The following HHEX variants were observed in gnomAD, a reference collection of about 807,000 sequenced individuals.
HHEX encodes hematopoietically-expressed homeobox protein HHEX.
A neutral mutation model predicts 27.0 loss-of-function variants in HHEX; 8 were observed. The observed-to-expected ratio is 0.30, with a 90% CI of 0.17 to 0.54. The LOEUF is 0.54. HHEX is among the 20% of genes least tolerant of loss of function. HHEX has a pLI of 0.95. For missense variants in HHEX, 326 were observed against 357.2 expected (o/e 0.91, Z 0.70); for synonymous variants, 164 against 161.5 (o/e 1.02, Z -0.12).
intron 1 of HHEX, chr10:92,692,139 C>T (rs979427789): frequency 3.1e-5 from 14 of 458,678 alleles, no homozygotes; most frequent in African/African-American, 7.9e-5. Context: ...GGCTGTGTGT[C>T]TGTCTGTGTG....
rs1282834027 is a variant in HHEX at position 92,695,596 on chromosome 10, A to T, written c.*828A>T. The T allele has an allele frequency of 6.6e-6, 1 of 152,090 alleles. No individual in the cohort carries two copies. Among genetic ancestry groups the T allele is most frequent in the Non-Finnish European group, 1.5e-5 (1 of 67,994 alleles). The allele number at this position is 152,090 out of a possible 1,614,324, so 9.4% of individuals were successfully genotyped here. On this transcript the variant is annotated 3_prime_UTR_variant, in exon 4 of 4. Transcript: ENST00000282728. The stretch of plus-strand genomic sequence containing the variant: ...ATGGCCAAAATGTGTTTTTTTTTTA[A>T]TAAGTAACTTGACTATAAAATAAAG...
chr10:92,692,931 TAA>T (rs1845372047), intron 3 of HHEX, among the ~76,000 whole-genome samples, 179 bp downstream of exon 3: 1 of 152,248 alleles, frequency 6.6e-6, no homozygotes, highest in African/African-American at 2.4e-5. Flanking sequence ...GCAGTAATGC[TAA>T]AAGCACCTAA....
At chr10:92,690,558 C>T (rs1206356092) in intron 1 of HHEX, among the ~76,000 whole-genome samples, 1 of 152,016 alleles carries the variant, frequency 6.6e-6, no homozygotes, top group Admixed American at 6.6e-5. Context: ...TTGCAGGCGT[C>T]GGGGCGCGCG....
Position 92,694,881 on chromosome 10 carries a change from G to A in HHEX, c.*113G>A. ...TATAAGAAAGGGAATCAATTCTCTG[G>A]TATTCTGGAAACCTAAAAATATTTG... is the stretch of plus-strand genomic sequence containing the variant. On this transcript the variant is annotated 3_prime_UTR_variant, in exon 4 of 4. Transcript: ENST00000282728. 1 of 782,646 alleles carries A rather than the reference G, an allele frequency of 1.3e-6. No homozygotes were observed. Among genetic ancestry groups the A allele is most frequent in the East Asian group, 2.7e-5 (1 of 37,684 alleles). 48.5% of individuals were successfully genotyped at this position (782,646 alleles called of 1,614,324 possible).
intron 1 of HHEX, 73 bp from the exon 2 acceptor site, chr10:92,692,295 G>C: frequency 6.6e-7 from 1 of 1,510,020 alleles, no homozygotes; most frequent in Admixed American, 2.0e-5. Context: ...TGTCATCCCT[G>C]GGGCCCGACA....
chr10:92,692,851 T>TA (rs1845371560), intron 3 of HHEX, 99 bp downstream of exon 3: 1 of 966,308 alleles, frequency 1.0e-6, no homozygotes, highest in Non-Finnish European at 1.6e-6. Context: ...TTTAAGAGAC[T>TA]ATTTAACCTC....
rs868255183 is a variant in HHEX at position 92,690,183 on chromosome 10, G to C, written c.197G>C (p.Arg66Pro). The change falls in exon 1 of 4, where the codon CGG (arginine) becomes CCG (proline). Residue 66 changes from arginine to proline, a missense_variant. Physicochemically the swap from Arg to Pro is moderately radical, Grantham distance 103 (BLOSUM62 -2). Coordinates refer to ENST00000282728, the MANE Select transcript of HHEX (RefSeq NM_002729.5). ...SSFTSLVSPY[R>P]TPVYEPTPIH... ...TTCACCAGCCTCGTGTCCCCCTACC[G>C]GACCCCGGTGTACGAGCCCACGCCG... 1 of 1,566,826 alleles carries C rather than the reference G, an allele frequency of 6.4e-7. No individual in the cohort carries two copies. Among genetic ancestry groups the C allele is most frequent in the South Asian group, 1.2e-5 (1 of 85,354 alleles).
chr10:92,693,282 AATAT>A (rs1414600047), intron 3 of HHEX, among the ~76,000 whole-genome samples: 3 of 152,224 alleles, frequency 2.0e-5, no homozygotes, highest in Non-Finnish European at 2.9e-5. Context: ...CTTGTAAGAA[AATAT>A]TCAAGCCTGT....
intron 1 of HHEX, 124 bp downstream of exon 1, chr10:92,690,471 C>A (rs1845342488): frequency 8.3e-7 from 1 of 1,209,520 alleles, no homozygotes; most frequent in Non-Finnish European, 1.1e-6. Flanking sequence ...GGAAAAGCAG[C>A]TGTCGGGCAC....
rs1845390062 is a variant in HHEX, at chr10:92,694,993, AAAGT to A, written c.*226_*229del. The A allele has an allele frequency of 2.0e-6, 1 of 507,424 alleles. No individual in the cohort carries two copies. Among genetic ancestry groups the A allele is most frequent in the African/African-American group, 1.9e-5 (1 of 52,228 alleles). 31.4% of individuals were successfully genotyped at this position (507,424 alleles called of 1,614,324 possible). A position where few individuals can be genotyped will look rare whatever the true frequency, so the allele number is the denominator to read the frequency against. On this transcript the variant is annotated 3_prime_UTR_variant, in exon 4 of 4. Coordinates refer to ENST00000282728, the MANE Select transcript of HHEX (RefSeq NM_002729.5). ...TGTACTGCTCTTAGGTTGTTTTGAT[AAAGT>A]GACATTATAGTGATTAAATTCTTCC...
intron 1 of HHEX, among the ~76,000 whole-genome samples, chr10:92,691,181 C>T (rs1466552278): frequency 6.6e-6 from 1 of 152,194 alleles, no homozygotes. Context: ...GCAGCAGCTC[C>T]TGGTCGCCAG....
At chr10:92,693,766 G>C (rs1845378920) in intron 3 of HHEX, among the ~76,000 whole-genome samples, 1 of 152,114 alleles carries the variant, frequency 6.6e-6, no homozygotes, top group African/African-American at 2.4e-5. Context: ...TTTCTATGTA[G>C]TATTTATATG....
intron 1 of HHEX, 40 bp from the exon 2 acceptor site, chr10:92,692,328 C>T (rs985276044): frequency 2.5e-6 from 4 of 1,607,514 alleles, no homozygotes; most frequent in African/African-American, 2.7e-5. Flanking sequence ...GGCCAGGCCG[C>T]TCCAGGGCAG....
At chr10:92,690,768 C>T (rs1316567893) in intron 1 of HHEX, among the ~76,000 whole-genome samples, 2 of 152,172 alleles carry the variant, frequency 1.3e-5, no homozygotes, top group African/African-American at 2.4e-5. Context: ...AGAGCCTGAC[C>T]CTTTCCGTTC....
chr10:92,690,540 C>G (rs772808252), intron 1 of HHEX, among the ~76,000 whole-genome samples, 193 bp downstream of exon 1: 96 of 152,112 alleles, frequency 6.3e-4, no homozygotes, highest in Admixed American at 1.4e-3. Context: ...GATTGGTTTT[C>G]CTGCACCTTG....
rs1240715324 is a variant in HHEX, at chr10:92,692,416, G to A, written c.410G>A (p.Arg137Lys). ...TTCTTGCAGAGGCCTCTGCATAAAA[G>A]GAAAGGCGGCCAGGTGAGATTCTCC... ...SPFLQRPLHK[R>K]KGGQVRFSND... Residue 137 changes from arginine to lysine, a missense_variant, in exon 2 of 4, where the codon AGG (arginine) becomes AAG (lysine). Physicochemically the swap from Arg to Lys is conservative, Grantham distance 26. Transcript: ENST00000282728. 4.3e-6 allele frequency: 7 copies of A among 1,614,018 alleles called. No individual in the cohort carries two copies. Among genetic ancestry groups the A allele is most frequent in the Non-Finnish European group, 5.1e-6 (6 of 1,180,024 alleles).
chr10:92,692,360 G>A lies in HHEX; in HGVS notation c.362-8G>A. 1 of 1,612,370 alleles carries A rather than the reference G, an allele frequency of 6.2e-7. No individual in the cohort carries two copies. Among genetic ancestry groups the A allele is most frequent in the South Asian group, 1.1e-5 (1 of 90,982 alleles). The stretch of plus-strand genomic sequence containing the variant: ...GCAGTGGGTGAGCGCCGCTCTTCCC[G>A]CTCGCAGGCAAACCTCTACTCTGGA... On this transcript the variant is annotated splice_region_variant and splice_polypyrimidine_tract_variant and intron_variant, in intron 1 of 3. Coordinates refer to ENST00000282728, the MANE Select transcript of HHEX (RefSeq NM_002729.5).
chr10:92,693,544 G>A (rs1255869657), intron 3 of HHEX, among the ~76,000 whole-genome samples: 1 of 152,102 alleles, frequency 6.6e-6, no homozygotes, highest in Non-Finnish European at 1.5e-5. Context: ...GAAATTTAAA[G>A]CAAAGTGGAT....
At chr10:92,692,820 A>G in intron 3 of HHEX, 68 bp downstream of exon 3, 1 of 1,283,042 alleles carries the variant, frequency 7.8e-7, no homozygotes, top group Non-Finnish European at 1.1e-6. Context: ...CAAGGCTGTT[A>G]TGGGTTGTAT....
Sources: gnomAD v4.1 joint callset for allele counts (sites outside exome capture counted in the v4.1 genomes callset) on GRCh38, gnomAD v4.1.1 for gene constraint, MANE v1.5 for transcripts, NCBI Gene and HGNC (gene_info 2026-07-23, HGNC 2026-07-21) for gene names.